MAP4: variants seen among roughly 807,000 people sequenced by gnomAD.
MAP4 encodes microtubule associated protein 4, also known as microtubule-associated protein 4.
A neutral mutation model predicts 170.2 loss-of-function variants in MAP4; 76 were observed. That is an observed-to-expected ratio of 0.45 (90% CI 0.37 to 0.54). The LOEUF is 0.54. Ranked by LOEUF, MAP4 falls within the 20% of genes least tolerant of loss-of-function variation. The pLI is 0.00. For synonymous variants in MAP4, 909 were observed against 994.5 expected, an observed-to-expected ratio of 0.91 and a Z score of 1.62; for missense variants, 2,506 against 2,748.0, an observed-to-expected ratio of 0.91 and a Z score of 1.97.
intron 17 of MAP4, among the ~76,000 whole-genome samples, chr3:47,866,402 A>G (rs1386291878): frequency 1.3e-5 from 2 of 151,890 alleles, no homozygotes; most frequent in African/African-American, 4.8e-5. Flanking sequence ...GGACTAAAAA[A>G]GGAGGGGAAG....
chr3:47,866,831 T>C (rs2081288203), intron 17 of MAP4, among the ~76,000 whole-genome samples: 1 of 152,140 alleles, frequency 6.6e-6, no homozygotes, highest in African/African-American at 2.4e-5. Flanking sequence ...AAAGATGAGC[T>C]CTGGAAAGAT....
rs544111488 is a variant in MAP4, at chr3:48,045,762, C to G, written c.-20+43011G>C. Among the ~76,000 whole-genome samples, 137 of 152,286 alleles carry G rather than the reference C, an allele frequency of 9.0e-4. 1 individual carries two copies. Among genetic ancestry groups the G allele is most frequent in the Non-Finnish European group, 1.8e-3 (124 of 68,012 alleles). The stretch of plus-strand genomic sequence containing the variant: ...TTCACCCTGTTAGCCAGGATGGTCT[C>G]GATCTCCTGACCTTGTGATCCGCCT... On this transcript the variant is annotated intron_variant, in intron 1 of 18. Transcript: ENST00000360240.
At chr3:47,898,111 C>T (rs936201350) in intron 10 of MAP4, among the ~76,000 whole-genome samples, 3 of 152,124 alleles carry the variant, frequency 2.0e-5, no homozygotes, top group African/African-American at 7.2e-5. Context: ...AGTTTCCTTT[C>T]ATGTGGCTTC....
At chr3:48,087,729 GCACACACA>G (rs889528420) in intron 1 of MAP4, among the ~76,000 whole-genome samples, 5 of 117,852 alleles carry the variant, frequency 4.2e-5, no homozygotes, top group African/African-American at 1.7e-4. Context: ...ACACGCACGC[GCACACACA>G]CGCACGCGCA....
At chr3:48,010,866 G>A (rs559286076) in intron 1 of MAP4, among the ~76,000 whole-genome samples, 12 of 152,220 alleles carry the variant, frequency 7.9e-5, no homozygotes, top group African/African-American at 2.2e-4. Flanking sequence ...TCCTGCCCTC[G>A]AACATCGGAC....
chr3:47,920,803 C>G (rs1328109901), intron 5 of MAP4, among the ~76,000 whole-genome samples: 4 of 152,154 alleles, frequency 2.6e-5, no homozygotes, highest in African/African-American at 9.7e-5. Flanking sequence ...CCTGTCACCT[C>G]AGCTTCCCAA....
intron 1 of MAP4, among the ~76,000 whole-genome samples, chr3:48,050,756 T>G (rs2154548766): frequency 6.6e-6 from 1 of 151,596 alleles, no homozygotes; most frequent in East Asian, 2.0e-4. Context: ...ACTACAAAAC[T>G]TAGCTGGGCA....
chr3:47,975,599 T>C (rs1224696559), intron 3 of MAP4: 3 of 723,128 alleles, frequency 4.1e-6, no homozygotes, highest in Admixed American at 2.0e-5. Context: ...TGAAGCTGGT[T>C]TGCTCTCGGG....
chr3:47,912,293 T>A lies in MAP4; in HGVS notation c.2128A>T (p.Lys710Ter). The A allele has an allele frequency of 6.5e-7, 1 of 1,536,106 alleles. No individual in the cohort carries two copies. The highest frequency in any genetic ancestry group is 8.7e-7 in the Non-Finnish European group (1 of 1,146,900). Residue 710 changes from lysine (K) to a stop codon, truncating the protein, a stop_gained, in exon 9 of 21, where the codon AAG (lysine) becomes TAG (stop). Coordinates refer to ENST00000683076, the MANE Select transcript of MAP4 (RefSeq NM_001385682.1). LOFTEE classifies it high-confidence loss of function. ...TGGCCCAGCCTGTGATCAAGAGTCT[T>A]CCATGGAGGAGAGCCTCCCAGCAGC... ...PELLGGSPPW[K>*]TLDHRLGHCS...
At chr3:47,976,451 C>A (rs1283639188) in intron 3 of MAP4, among the ~76,000 whole-genome samples, 2 of 152,188 alleles carry the variant, frequency 1.3e-5, no homozygotes, top group Non-Finnish European at 2.9e-5. Flanking sequence ...TTTCAACTGC[C>A]TAATCAAGTC....
intron 3 of MAP4, among the ~76,000 whole-genome samples, chr3:47,929,627 CAAAAAAAAAAAAA>C (rs71070242): frequency 9.8e-4 from 11 of 11,208 alleles, no homozygotes; most frequent in South Asian, 4.2e-3. Flanking sequence ...ACTTATTATG[CAAAAAAAAAAAAA>C]AAAAAAAAAA....
intron 10 of MAP4, chr3:47,891,689 T>C (rs1220831441): frequency 6.5e-7 from 1 of 1,536,524 alleles, no homozygotes; most frequent in Non-Finnish European, 8.7e-7. Context: ...GTCTCTGATG[T>C]GACAGCTTGC....
At chr3:48,055,229 CGT>C (rs2100130327) in intron 1 of MAP4, among the ~76,000 whole-genome samples, 2 of 145,704 alleles carry the variant, frequency 1.4e-5, no homozygotes, top group African/African-American at 2.6e-5. Context: ...TCTCCGTCTC[CGT>C]CTCCGTCTCC....
At position 48,077,684 on chromosome 3, in the gene MAP4, A is replaced by G. The variant is rs367659057; in HGVS notation, c.-20+11089T>C. On this transcript the variant is annotated intron_variant, in intron 1 of 18. Transcript: ENST00000360240. Reference sequence around the variant, plus strand: ...GTTAAACATAATTAACACATAACCAAGCAATTCTCCTTCTAGGTATTTAGA... The same window carrying G: ...GTTAAACATAATTAACACATAACCAGGCAATTCTCCTTCTAGGTATTTAGA... 7.9e-5 allele frequency among the ~76,000 whole-genome samples: 12 copies of G among 152,252 alleles called. No individual in the cohort carries two copies. In the East Asian group the frequency reaches 1.7e-3, roughly 22 times the overall value.
In MAP4 at chr3:47,857,609, C is replaced by G; in HGVS notation, c.6502-97G>C. 7.6e-6 allele frequency: 6 copies of G among 791,904 alleles called. No homozygotes were observed. In the South Asian group the frequency reaches 9.2e-5, roughly 12 times the overall value. The allele number at this position is 791,904 out of a possible 1,614,324, so 49.1% of individuals were successfully genotyped here. The stretch of plus-strand genomic sequence containing the variant: ...TAAATCTTCTCCATGTTCAGGGTTT[C>G]TCGCTCCCTCTGTAAGCTGCTATCT... On this transcript the variant is annotated intron_variant, in intron 17 of 20. Coordinates refer to ENST00000683076, the MANE Select transcript of MAP4 (RefSeq NM_001385682.1).
At chr3:47,969,178 T>C (rs1483777431) in intron 3 of MAP4, among the ~76,000 whole-genome samples, 5 of 152,040 alleles carry the variant, frequency 3.3e-5, no homozygotes, top group Non-Finnish European at 7.4e-5. Context: ...GAGGCGAACA[T>C]GGGTGGATCA....
intron 10 of MAP4, among the ~76,000 whole-genome samples, chr3:47,890,523 C>T (rs1577137291): frequency 6.6e-6 from 1 of 152,168 alleles, no homozygotes; most frequent in Admixed American, 6.5e-5. Context: ...AGAGCTTCCA[C>T]CCAGATTGTG....
intron 3 of MAP4, chr3:47,974,320 G>A (rs192672292): frequency 2.8e-4 from 104 of 366,194 alleles, no homozygotes; most frequent in Middle Eastern, 2.8e-3. Context: ...AGCTACTTGG[G>A]AGGCTGAGGC....
At chr3:47,976,057 T>G (rs1270424905) in intron 3 of MAP4, among the ~76,000 whole-genome samples, 1 of 152,242 alleles carries the variant, frequency 6.6e-6, no homozygotes, top group Non-Finnish European at 1.5e-5. Flanking sequence ...CCCAAAGTGC[T>G]GGGATTACAG....
Sources: gnomAD v4.1 joint callset for allele counts (sites outside exome capture counted in the v4.1 genomes callset) on GRCh38, gnomAD v4.1.1 for gene constraint, MANE v1.5 for transcripts, NCBI Gene and HGNC (gene_info 2026-07-23, HGNC 2026-07-21) for gene names.